PRKG1: variants seen among roughly 807,000 people sequenced by gnomAD.
PRKG1 encodes cGMP-dependent protein kinase 1.
Under a neutral mutation model 88.1 loss-of-function variants are expected in PRKG1, and 35 were observed. That is an observed-to-expected ratio of 0.40 (90% CI 0.30 to 0.53). PRKG1 has a LOEUF of 0.53. Ranked by LOEUF, PRKG1 falls within the 20% of genes least tolerant of loss-of-function variation. PRKG1 has a pLI of 0.59. For missense variants in PRKG1, 540 were observed against 839.8 expected (o/e 0.64, Z 4.41); for synonymous variants, 303 against 292.5 (o/e 1.04, Z -0.37).
At chr10:51,088,838 G>A (rs1844325778) in intron 1 of PRKG1, among the ~76,000 whole-genome samples, 1 of 148,204 alleles carries the variant, frequency 6.7e-6, no homozygotes, top group South Asian at 2.1e-4. Flanking sequence ...TCAAATGAAG[G>A]ACAAGATAAA....
intron 5 of PRKG1, among the ~76,000 whole-genome samples, chr10:52,032,911 A>G (rs10762544): frequency 0.75 from 113,985 of 152,062 alleles, 42,823 homozygotes; most frequent in South Asian, 0.79. Flanking sequence ...GAGACATCCT[A>G]ATGTAGTCTA....
chr10:51,859,180 T>TA (rs1304677323), intron 4 of PRKG1, among the ~76,000 whole-genome samples: 1 of 152,234 alleles, frequency 6.6e-6, no homozygotes, highest in Non-Finnish European at 1.5e-5. Flanking sequence ...TTCAAATGTG[T>TA]ATTTACACAG....
intron 8 of PRKG1, among the ~76,000 whole-genome samples, chr10:52,134,368 C>T (rs1423001004): frequency 1.3e-5 from 2 of 152,068 alleles, no homozygotes; most frequent in South Asian, 4.1e-4. Flanking sequence ...ATAATAGAAG[C>T]ATTTAGGGAA....
chr10:51,392,487 T>A (rs1291817853), intron 2 of PRKG1, among the ~76,000 whole-genome samples: 3 of 152,070 alleles, frequency 2.0e-5, no homozygotes, highest in Non-Finnish European at 4.4e-5. Flanking sequence ...GCAGAAGAAT[T>A]TTTCTTAGTA....
chr10:51,892,089 A>C (rs1333625984), intron 4 of PRKG1, among the ~76,000 whole-genome samples: 1 of 152,224 alleles, frequency 6.6e-6, no homozygotes, highest in African/African-American at 2.4e-5. Flanking sequence ...TTGTCACCTC[A>C]GCCTAAACCA....
intron 1 of PRKG1, among the ~76,000 whole-genome samples, chr10:51,007,729 A>G (rs542899257): frequency 6.6e-6 from 1 of 152,340 alleles, no homozygotes; most frequent in East Asian, 1.9e-4. Flanking sequence ...AACAATGGCC[A>G]TTGCTTCTGT....
At chr10:51,244,545 C>T (rs1321366703) in intron 2 of PRKG1, among the ~76,000 whole-genome samples, 2 of 151,986 alleles carry the variant, frequency 1.3e-5, no homozygotes, top group Non-Finnish European at 2.9e-5. Context: ...AATCCAAAGG[C>T]CCCGTTTTAA....
At chr10:51,658,023 T>C (rs1840204014) in intron 3 of PRKG1, among the ~76,000 whole-genome samples, 1 of 152,138 alleles carries the variant, frequency 6.6e-6, no homozygotes. Flanking sequence ...TGCAAACACA[T>C]TGATAGAATC....
In PRKG1 at chr10:51,872,804, G is replaced by C. The variant is rs190748746; in HGVS notation, c.699-34703G>C. On this transcript the variant is annotated intron_variant, in intron 4 of 17. Coordinates refer to ENST00000373980, the MANE Select transcript of PRKG1 (RefSeq NM_006258.4). ...ATTAATAAGTGTCCTTTTTGTACTA[G>C]GTAAACCATATGAAATTATTGAGTT... Among the ~76,000 whole-genome samples the C allele has an allele frequency of 3.6e-3, 549 of 151,956 alleles. 6 individuals carry two copies. The highest frequency in any genetic ancestry group is 0.012 in the African/African-American group (514 of 41,460).
At chr10:51,988,866 T>C (rs1279651126) in intron 5 of PRKG1, among the ~76,000 whole-genome samples, 1 of 152,094 alleles carries the variant, frequency 6.6e-6, no homozygotes, top group East Asian at 1.9e-4. Context: ...AAAATGCTAG[T>C]TTAAATGTAG....
At chr10:52,259,736 TAAAC>T (rs1841389576) in intron 10 of PRKG1, among the ~76,000 whole-genome samples, 2 of 152,034 alleles carry the variant, frequency 1.3e-5, no homozygotes, top group African/African-American at 2.4e-5. Context: ...ATAAATAAGT[TAAAC>T]AAAGGAGAGC....
At chr10:52,204,707 C>T (rs1589698105) in intron 9 of PRKG1, among the ~76,000 whole-genome samples, 1 of 152,204 alleles carries the variant, frequency 6.6e-6, no homozygotes, top group South Asian at 2.1e-4. Flanking sequence ...TGTATGTTGC[C>T]TTGGGACCCT....
At chr10:51,540,415 G>A (rs1316100546) in intron 3 of PRKG1, among the ~76,000 whole-genome samples, 1 of 152,094 alleles carries the variant, frequency 6.6e-6, no homozygotes, top group Non-Finnish European at 1.5e-5. Context: ...ATTCTATCTG[G>A]CACAATGGTA....
intron 5 of PRKG1, among the ~76,000 whole-genome samples, chr10:51,968,934 A>G (rs1026633936): frequency 6.6e-6 from 1 of 152,122 alleles, no homozygotes; most frequent in African/African-American, 2.4e-5. Flanking sequence ...ACTCATACAT[A>G]TAATAAAATT....
At position 51,222,931 on chromosome 10, in the gene PRKG1, T is replaced by C. The variant is rs186960346; in HGVS notation, c.478+69601T>C. Among the ~76,000 whole-genome samples the C allele has an allele frequency of 4.0e-3, 602 of 152,166 alleles. 2 individuals are homozygous for C. The Middle Eastern group carries it at 0.048, about 12-fold the overall frequency. Reference sequence around the variant, plus strand: ...TGTATACATTATAAAAGTACATATGTATACAATGTGAAATGATTACCATAA... The same window carrying C: ...TGTATACATTATAAAAGTACATATGCATACAATGTGAAATGATTACCATAA... On this transcript the variant is annotated intron_variant, in intron 2 of 17. Coordinates refer to ENST00000373980, the MANE Select transcript of PRKG1 (RefSeq NM_006258.4).
intron 2 of PRKG1, among the ~76,000 whole-genome samples, chr10:51,431,013 G>A (rs1184153238): frequency 2.0e-5 from 3 of 152,262 alleles, no homozygotes; most frequent in Middle Eastern, 3.4e-3. Context: ...GATTGTTGTG[G>A]TTGCACAATT....
intron 2 of PRKG1, among the ~76,000 whole-genome samples, chr10:51,360,724 C>T (rs1165503417): frequency 1.3e-5 from 2 of 151,862 alleles, no homozygotes; most frequent in African/African-American, 4.8e-5. Context: ...AGATGAATGC[C>T]ATTGACCTTC....
At chr10:51,565,530 G>C (rs1837578198) in intron 3 of PRKG1, among the ~76,000 whole-genome samples, 1 of 152,110 alleles carries the variant, frequency 6.6e-6, no homozygotes, top group Non-Finnish European at 1.5e-5. Context: ...TGATTGGCCT[G>C]GGTGTAGAAG....
At chr10:51,712,580 CTTTTTTT>C (rs60053336) in intron 3 of PRKG1, among the ~76,000 whole-genome samples, 7 of 96,030 alleles carry the variant, frequency 7.3e-5, no homozygotes, top group East Asian at 2.4e-4. Context: ...AATATTATTC[CTTTTTTT>C]TTTTTTTTTT....
Sources: gnomAD v4.1 joint callset for allele counts (sites outside exome capture counted in the v4.1 genomes callset) on GRCh38, gnomAD v4.1.1 for gene constraint, MANE v1.5 for transcripts, NCBI Gene and HGNC (gene_info 2026-07-23, HGNC 2026-07-21) for gene names.